TMEM272: variants seen among roughly 807,000 people sequenced by gnomAD.
The protein encoded by TMEM272 is transmembrane protein 272, also known as long intergenic non-protein coding RNA 282.
Under a neutral mutation model 3.7 loss-of-function variants are expected in TMEM272, and 8 were observed. That is an observed-to-expected ratio of 2.17 (90% CI 1.27 to 3.91). The LOEUF (loss-of-function observed/expected upper bound fraction) is 3.91. Among genes scored for constraint, TMEM272 ranks in the 30% most tolerant of loss-of-function variants. The pLI, the probability that TMEM272 is intolerant of heterozygous loss-of-function variation, is 0.00. For missense variants in TMEM272, 166 were observed against 91.5 expected, an observed-to-expected ratio of 1.81 and a Z score of -3.32; for synonymous variants, 63 against 39.8, an observed-to-expected ratio of 1.58 and a Z score of -2.20.
the TMEM272 span, among the ~76,000 whole-genome samples, chr13:51,884,347 T>C: frequency 6.6e-6 from 1 of 152,230 alleles, no homozygotes; most frequent in African/African-American, 2.4e-5. Context: ...GGGTTTGAGA[T>C]TGTTTCTGTC....
chr13:51,846,476 CATG>C (rs1005157321), upstream of TMEM272, among the ~76,000 whole-genome samples: 6 of 151,992 alleles, frequency 3.9e-5, no homozygotes, highest in East Asian at 1.9e-4. Flanking sequence ...ATGTACAGCA[CATG>C]ATACTTTACA....
At chr13:51,856,892 C>T in the TMEM272 span, among the ~76,000 whole-genome samples, 3 of 152,180 alleles carry the variant, frequency 2.0e-5, no homozygotes, top group African/African-American at 4.8e-5. Flanking sequence ...AGTAGAAATA[C>T]ACTTCAATAA....
chr13:51,839,561 C>T (rs2139585891), intron 1 of TMEM272, among the ~76,000 whole-genome samples: 1 of 152,280 alleles, frequency 6.6e-6, no homozygotes, highest in Non-Finnish European at 1.5e-5. Flanking sequence ...GGTCCTTGTT[C>T]CTCATACTGC....
At chr13:51,928,000 G>T in the TMEM272 span, among the ~76,000 whole-genome samples, 5 of 152,100 alleles carry the variant, frequency 3.3e-5, no homozygotes, top group African/African-American at 1.2e-4. Context: ...CAACTCCAAA[G>T]CCAGTGCTAT....
the TMEM272 span, among the ~76,000 whole-genome samples, chr13:51,917,018 G>T: frequency 6.6e-6 from 1 of 152,164 alleles, no homozygotes; most frequent in Non-Finnish European, 1.5e-5. Context: ...GACAAGTAAG[G>T]CCCCGTTAAC....
chr13:51,866,910 T>C, the TMEM272 span, among the ~76,000 whole-genome samples: 7 of 152,210 alleles, frequency 4.6e-5, no homozygotes, highest in Non-Finnish European at 7.3e-5. Context: ...CCTGCTTTCA[T>C]CTATTTTAAA....
upstream of TMEM272, among the ~76,000 whole-genome samples, chr13:51,845,977 G>A (rs745959016): frequency 2.0e-5 from 3 of 152,176 alleles, no homozygotes; most frequent in Non-Finnish European, 2.9e-5. Flanking sequence ...TTGTCATTTC[G>A]GTGGAAAAGG....
At chr13:51,871,827 C>T in the TMEM272 span, among the ~76,000 whole-genome samples, 1 of 146,402 alleles carries the variant, frequency 6.8e-6, no homozygotes, top group African/African-American at 2.6e-5. Context: ...CACACACACA[C>T]ACACACACAC....
the TMEM272 span, among the ~76,000 whole-genome samples, chr13:51,880,243 G>C: frequency 2.8e-5 from 4 of 143,824 alleles, no homozygotes; most frequent in Non-Finnish European, 6.0e-5. Flanking sequence ...GAAGTTTCTA[G>C]ATTGTTGACT....
chr13:51,858,810 G>A, the TMEM272 span, among the ~76,000 whole-genome samples: 1 of 152,152 alleles, frequency 6.6e-6, no homozygotes, highest in African/African-American at 2.4e-5. Context: ...TGAATCCTAG[G>A]TTGCCACCCA....
chr13:51,903,942 C>CGTGTGTGTGTGTGTGTGTGTGT, the TMEM272 span, among the ~76,000 whole-genome samples: 6,510 of 136,554 alleles, frequency 0.048, 266 homozygotes, highest in Middle Eastern at 0.083. Flanking sequence ...CAGTCTTCCA[C>CGTGTGTGTGTGTGTGTGTGTGT]GTGTGTGTGT....
chr13:51,828,412 G>A (rs1302809230), intron 2 of TMEM272, among the ~76,000 whole-genome samples: 1 of 152,194 alleles, frequency 6.6e-6, no homozygotes, highest in East Asian at 1.9e-4. Context: ...ACAGCGGGTA[G>A]GGTGCACAGG....
chr13:51,881,889 C>T, the TMEM272 span, among the ~76,000 whole-genome samples: 2 of 152,038 alleles, frequency 1.3e-5, no homozygotes, highest in African/African-American at 2.4e-5. Context: ...TACAGCACCC[C>T]AAAAGAACTA....
At chr13:51,867,930 C>T in the TMEM272 span, among the ~76,000 whole-genome samples, 8 of 152,090 alleles carry the variant, frequency 5.3e-5, no homozygotes, top group African/African-American at 1.7e-4. Flanking sequence ...TTCAAAAATC[C>T]CCAGAGATTC....
chr13:51,927,968 G>A, the TMEM272 span, among the ~76,000 whole-genome samples: 2 of 152,168 alleles, frequency 1.3e-5, no homozygotes, highest in South Asian at 2.1e-4. Flanking sequence ...GGTACAGTCG[G>A]GTTTTGAACT....
chr13:51,894,853 C>T, the TMEM272 span, among the ~76,000 whole-genome samples: 2 of 151,774 alleles, frequency 1.3e-5, no homozygotes, highest in Non-Finnish European at 2.9e-5. Flanking sequence ...TACAACTCAC[C>T]ATGATGTAGA....
chr13:51,926,630 TTTGTGG>T, the TMEM272 span, among the ~76,000 whole-genome samples: 1 of 133,046 alleles, frequency 7.5e-6, no homozygotes, highest in Non-Finnish European at 1.7e-5. Flanking sequence ...GTGGGGCGGG[TTTGTGG>T]GTGTGGGTGT....
chr13:51,837,702 GGGA>G (rs1218483666), intron 2 of TMEM272, among the ~76,000 whole-genome samples: 3 of 152,230 alleles, frequency 2.0e-5, no homozygotes, highest in Non-Finnish European at 2.9e-5. Context: ...GAAACGTCAT[GGGA>G]GGAGAAGTGG....
At chr13:51,918,859 G>A in the TMEM272 span, among the ~76,000 whole-genome samples, 1 of 144,260 alleles carries the variant, frequency 6.9e-6, no homozygotes, top group African/African-American at 2.6e-5. Context: ...TGTTGCCCAG[G>A]CTGGTCTCGA....
Sources: allele counts gnomAD v4.1 joint callset (sites outside exome capture counted in the v4.1 genomes callset), GRCh38; gene constraint gnomAD v4.1.1; transcripts MANE v1.5; gene names NCBI Gene and HGNC (gene_info 2026-07-23, HGNC 2026-07-21).